Variants in ERC1 observed in about 807,000 individuals in gnomAD.
ERC1 encodes RAB6 interacting protein 2.
ERC1 carries 56 observed loss-of-function variants against 132.0 expected under a neutral mutation model. That is an observed-to-expected ratio of 0.42 (90% confidence interval 0.34 to 0.53). The LOEUF is 0.53. Among genes scored for constraint, ERC1 ranks in the 20% least tolerant of loss-of-function variants. The probability of loss-of-function intolerance (pLI) is 0.03; values close to 1 mark genes in which losing one functional copy is unlikely to be tolerated. For missense variants in ERC1, 1,202 were observed against 1,349.9 expected (o/e 0.89, Z 1.72); for synonymous variants, 478 against 476.1 (o/e 1.00, Z -0.05).
intron 2 of ERC1, among the ~76,000 whole-genome samples, chr12:1,067,926 C>CTTT (rs71441641): frequency 8.3e-6 from 1 of 120,980 alleles, no homozygotes; most frequent in African/African-American, 3.2e-5. Context: ...TTAGCCACTG[C>CTTT]TTTTTTTTTT....
intron 17 of ERC1, among the ~76,000 whole-genome samples, chr12:1,440,668 G>GTGTGTGTGTGTGTGTGTGTGTGTGTGTGT (rs2093123666): frequency 9.4e-6 from 1 of 106,280 alleles, no homozygotes; most frequent in African/African-American, 3.7e-5. Flanking sequence ...GTGTGTGTGT[G>GTGTGTGTGTGTGTGTGTGTGTGTGTGTGT]ATGGAGTCTC....
At chr12:1,155,742 A>C (rs140166060) in intron 8 of ERC1, among the ~76,000 whole-genome samples, 2,097 of 152,278 alleles carry the variant, frequency 0.014, 64 homozygotes, top group African/African-American at 0.047. Flanking sequence ...AAGTGCTGGG[A>C]TTACAGGCGT....
chr12:1,399,901 A>G (rs1343889970), intron 16 of ERC1, among the ~76,000 whole-genome samples: 1 of 152,180 alleles, frequency 6.6e-6, no homozygotes, highest in Admixed American at 6.5e-5. Flanking sequence ...TTGAGTATAT[A>G]CCTAGGATTG....
chr12:1,376,870 G>A (rs2087987866), intron 16 of ERC1, among the ~76,000 whole-genome samples: 1 of 152,108 alleles, frequency 6.6e-6, no homozygotes, highest in Non-Finnish European at 1.5e-5. Context: ...GAAACGGTGC[G>A]ATTTGTTTCC....
chr12:1,299,703 G>A (rs772905335), intron 15 of ERC1, among the ~76,000 whole-genome samples: 17 of 151,962 alleles, frequency 1.1e-4, no homozygotes, highest in Admixed American at 2.0e-4. Flanking sequence ...ATTCATAACC[G>A]GGTTCTTTAA....
rs1954528977 is a variant in ERC1, at chr12:1,182,000, A to G, written c.1951A>G (p.Lys651Glu). The G allele has an allele frequency of 1.2e-6, 2 of 1,613,928 alleles. No individual in the cohort carries two copies. The highest frequency in any genetic ancestry group is 1.7e-6 in the Non-Finnish European group (2 of 1,179,952). The part of the protein sequence containing the change: ...REKQEEIDNY[K>E]KDLKDLKEKV... ...GAAGCAAGAGGAAATTGATAACTAC[A>G]AAAAAGATCTTAAAGACTTGAAGGA... The change falls in exon 10 of 19, where the codon AAA becomes GAA. Residue 651 changes from lysine (K) to glutamate (E), a missense_variant. Coordinates refer to ENST00000360905, the MANE Select transcript of ERC1 (RefSeq NM_178040.4).
At chr12:1,194,148 A>T (rs950674974) in intron 12 of ERC1, among the ~76,000 whole-genome samples, 4 of 152,184 alleles carry the variant, frequency 2.6e-5, no homozygotes, top group Non-Finnish European at 5.9e-5. Flanking sequence ...GGCTGGGTGC[A>T]GTGGCTCACG....
At chr12:1,342,458 A>G (rs2083999667) in intron 15 of ERC1, among the ~76,000 whole-genome samples, 1 of 144,828 alleles carries the variant, frequency 6.9e-6, no homozygotes, top group Non-Finnish European at 1.5e-5. Flanking sequence ...CAAAGAGCGA[A>G]ACTCTGTCTC....
At chr12:1,222,229 T>A (rs969756236) in intron 12 of ERC1, among the ~76,000 whole-genome samples, 2 of 151,544 alleles carry the variant, frequency 1.3e-5, no homozygotes, top group Non-Finnish European at 2.9e-5. Flanking sequence ...ATTCTCTTTT[T>A]TTTTTTTTCT....
chr12:1,354,523 T>TAAA (rs57274272), intron 15 of ERC1, among the ~76,000 whole-genome samples: 9 of 148,010 alleles, frequency 6.1e-5, no homozygotes, highest in African/African-American at 2.2e-4. Flanking sequence ...AACTCCATCT[T>TAAA]AAAAAAAAAA....
chr12:1,196,977 T>TATATA (rs1491567979), intron 12 of ERC1, among the ~76,000 whole-genome samples: 1 of 28,740 alleles, frequency 3.5e-5, no homozygotes, highest in Non-Finnish European at 6.9e-5. Context: ...TATATATATA[T>TATATA]TTTTTTTTTT....
At chr12:1,404,226 C>T (rs1408028002) in intron 16 of ERC1, among the ~76,000 whole-genome samples, 3 of 152,204 alleles carry the variant, frequency 2.0e-5, no homozygotes, top group African/African-American at 4.8e-5. Context: ...ACTGCATCTT[C>T]ACACTGCAGA....
intron 12 of ERC1, among the ~76,000 whole-genome samples, chr12:1,213,827 C>T (rs530972975): frequency 6.6e-6 from 1 of 151,844 alleles, no homozygotes; most frequent in Non-Finnish European, 1.5e-5. Context: ...TCACTTGAAC[C>T]CAGGAGGCGG....
intron 7 of ERC1, among the ~76,000 whole-genome samples, chr12:1,123,082 T>G (rs958618975): frequency 1.3e-5 from 2 of 152,154 alleles, no homozygotes; most frequent in Non-Finnish European, 2.9e-5. Context: ...ATGTCTTGTT[T>G]GTGGGAAGAT....
At chr12:997,295 A>ATT (rs1961128439) in intron 1 of ERC1, among the ~76,000 whole-genome samples, 1 of 152,250 alleles carries the variant, frequency 6.6e-6, no homozygotes, top group Non-Finnish European at 1.5e-5. Context: ...AGTAGTTGGA[A>ATT]TTTATGTATA....
chr12:1,331,221 T>C lies in ERC1; in HGVS notation c.2781-40612T>C, dbSNP rs2082836973. 1.3e-5 allele frequency among the ~76,000 whole-genome samples: 2 copies of C among 152,194 alleles called. 1 individual carries two copies. The highest frequency in any genetic ancestry group is 4.1e-4 in the South Asian group (2 of 4,828). ...CTGACTTCTGAATGCATATTTTAAT[T>C]TTACCTGTTTTGTGTTATATATAAA... On this transcript the variant is annotated intron_variant, in intron 15 of 18. Transcript: ENST00000360905.
At chr12:1,045,184 T>G (rs1005859762) in intron 2 of ERC1, among the ~76,000 whole-genome samples, 1 of 152,136 alleles carries the variant, frequency 6.6e-6, no homozygotes, top group African/African-American at 2.4e-5. Context: ...TACTGTGCTT[T>G]TTAAATTCTT....
chr12:1,001,070 A>G (rs749770509), intron 1 of ERC1, among the ~76,000 whole-genome samples: 4 of 151,990 alleles, frequency 2.6e-5, no homozygotes, highest in African/African-American at 4.8e-5. Flanking sequence ...CGCCTGGCTA[A>G]TTTTTGTTTT....
intron 8 of ERC1, among the ~76,000 whole-genome samples, chr12:1,146,322 T>TG (rs1157789082): frequency 5.7e-5 from 8 of 141,324 alleles, no homozygotes; most frequent in Non-Finnish European, 1.1e-4. Context: ...TTTTTTTTTT[T>TG]TTTTTTTTTT....
Sources: allele counts gnomAD v4.1 joint callset (sites outside exome capture counted in the v4.1 genomes callset), GRCh38; gene constraint gnomAD v4.1.1; transcripts MANE v1.5; gene names NCBI Gene and HGNC (gene_info 2026-07-23, HGNC 2026-07-21).